The following EML4 variants were observed in gnomAD, a reference collection of about 807,000 sequenced individuals.
The protein encoded by EML4 is echinoderm microtubule-associated protein-like 4.
Under a neutral mutation model 129.0 loss-of-function variants are expected in EML4, and 72 were observed. That is an observed-to-expected ratio of 0.56 (90% CI 0.46 to 0.68). The LOEUF (loss-of-function observed/expected upper bound fraction) is 0.68. Ranked by LOEUF, EML4 falls within the 30% of genes least tolerant of loss-of-function variation. EML4 has a pLI of 0.00. For synonymous variants in EML4, 532 were observed against 405.0 expected (o/e 1.31, Z -3.77); for missense variants, 1,363 against 1,190.6 (o/e 1.14, Z -2.13).
intron 13 of EML4, among the ~76,000 whole-genome samples, chr2:42,296,446 C>T (rs1398865697): frequency 6.6e-6 from 1 of 151,326 alleles, no homozygotes; most frequent in Non-Finnish European, 1.5e-5. Flanking sequence ...TCATTCACCT[C>T]CCCTAAACAC....
intron 1 of EML4, among the ~76,000 whole-genome samples, chr2:42,188,759 C>T (rs928574996): frequency 6.6e-6 from 1 of 152,098 alleles, no homozygotes; most frequent in African/African-American, 2.4e-5. Context: ...CTACTGACCT[C>T]AGGTGATCTG....
intron 11 of EML4, among the ~76,000 whole-genome samples, chr2:42,292,559 A>C (rs1667706249): frequency 6.6e-6 from 1 of 152,236 alleles, no homozygotes; most frequent in Admixed American, 6.5e-5. Context: ...AATGAAACGG[A>C]GAAAAATAAT....
At chr2:42,216,279 G>A (rs1431948984) in intron 1 of EML4, among the ~76,000 whole-genome samples, 1 of 106,826 alleles carries the variant, frequency 9.4e-6, no homozygotes, top group Non-Finnish European at 1.7e-5. Context: ...GTCTTGCTCT[G>A]TCACCCAGGC....
intron 6 of EML4, among the ~76,000 whole-genome samples, chr2:42,269,855 C>T (rs1355455517): frequency 6.6e-6 from 1 of 152,084 alleles, no homozygotes; most frequent in Non-Finnish European, 1.5e-5. Context: ...AGAGAAGTTT[C>T]ATGAGGTACC....
At chr2:42,233,461 A>G (rs1021446652) in intron 1 of EML4, among the ~76,000 whole-genome samples, 3 of 151,536 alleles carry the variant, frequency 2.0e-5, no homozygotes, top group Non-Finnish European at 4.4e-5. Context: ...ACCCGCCACC[A>G]TGCCCAGCCA....
intron 6 of EML4, among the ~76,000 whole-genome samples, chr2:42,280,046 GT>G (rs991014813): frequency 6.6e-6 from 1 of 151,832 alleles, no homozygotes; most frequent in African/African-American, 2.4e-5. Context: ...ATTTTCTCCC[GT>G]TCTGTAGGTG....
intron 1 of EML4, among the ~76,000 whole-genome samples, chr2:42,207,448 T>C (rs185752425): frequency 7.2e-5 from 11 of 152,322 alleles, no homozygotes; most frequent in African/African-American, 2.6e-4. Context: ...ATTGGTATCT[T>C]TTTAAAAATA....
Position 42,284,865 on chromosome 2 carries a change from T to G in EML4, c.1011+162T>G, listed in dbSNP as rs575511675. On this transcript the variant is annotated intron_variant, in intron 9 of 22. Transcript: ENST00000318522. ...AAAAAACATTAGGATATAAGAACAC[T>G]TTAAAAGACAGAGTCATACTAATAA... is the stretch of plus-strand genomic sequence containing the variant. Among the ~76,000 whole-genome samples, 4 of 152,280 alleles carry G rather than the reference T, an allele frequency of 2.6e-5. 1 individual carries two copies. The highest frequency in any genetic ancestry group is 2.0e-4 in the Admixed American group (3 of 15,302).
At chr2:42,236,938 G>GT (rs1213180571) in intron 1 of EML4, among the ~76,000 whole-genome samples, 3 of 152,078 alleles carry the variant, frequency 2.0e-5, no homozygotes, top group Non-Finnish European at 4.4e-5. Flanking sequence ...TTTTATGTTT[G>GT]TTGACCATTT....
At chr2:42,236,312 C>T (rs994528601) in intron 1 of EML4, among the ~76,000 whole-genome samples, 21 of 151,994 alleles carry the variant, frequency 1.4e-4, no homozygotes, top group Non-Finnish European at 2.9e-5. Flanking sequence ...CACAATTTAC[C>T]CGTTTTACAA....
At chr2:42,328,633 T>C (rs191506619) in intron 21 of EML4, among the ~76,000 whole-genome samples, 9 of 152,306 alleles carry the variant, frequency 5.9e-5, no homozygotes, top group Admixed American at 1.3e-4. Flanking sequence ...CTGGTTACCA[T>C]TGAGTACCAT....
chr2:42,249,164 A>C (rs1020202956), intron 2 of EML4, among the ~76,000 whole-genome samples: 6 of 152,222 alleles, frequency 3.9e-5, no homozygotes, highest in Non-Finnish European at 7.4e-5. Flanking sequence ...TAAACATTTT[A>C]AGCAAAGTAT....
At position 42,284,615 on chromosome 2, in the gene EML4, TC is replaced by T. The variant is rs777387305; in HGVS notation, c.942-18del. On this transcript the variant is annotated intron_variant, in intron 8 of 22. Coordinates refer to ENST00000318522, the MANE Select transcript of EML4 (RefSeq NM_019063.5). ...TCATGTTTCCTGTGTTTAAAATCAT[TC>T]TTAATACTGCTTTTTAGCCTTGCTA... The T allele has an allele frequency of 6.3e-7, 1 of 1,595,032 alleles. No individual in the cohort carries two copies. The highest frequency in any genetic ancestry group is 2.2e-5 in the East Asian group (1 of 44,566).
chr2:42,306,563 G>T (rs181866811), intron 17 of EML4, among the ~76,000 whole-genome samples: 32 of 138,046 alleles, frequency 2.3e-4, no homozygotes, highest in African/African-American at 8.3e-4. Flanking sequence ...CATGATCTTG[G>T]CTCACAGCAA....
chr2:42,214,212 A>G (rs1348500938), intron 1 of EML4, among the ~76,000 whole-genome samples: 2 of 152,352 alleles, frequency 1.3e-5, no homozygotes, highest in African/African-American at 4.8e-5. Flanking sequence ...TGGATTCGGT[A>G]TGAACTTAAA....
chr2:42,316,311 A>G (rs1293259979), intron 18 of EML4, among the ~76,000 whole-genome samples: 1 of 152,234 alleles, frequency 6.6e-6, no homozygotes, highest in African/African-American at 2.4e-5. Flanking sequence ...GTGCAGTCAG[A>G]TCCCCTTTTT....
intron 1 of EML4, among the ~76,000 whole-genome samples, chr2:42,240,835 A>G (rs879802086): frequency 6.6e-6 from 1 of 152,178 alleles, no homozygotes; most frequent in African/African-American, 2.4e-5. Flanking sequence ...AAGCAGTCAC[A>G]GAGTTGGTAA....
intron 11 of EML4, among the ~76,000 whole-genome samples, chr2:42,293,011 C>A (rs558428066): frequency 1.3e-5 from 2 of 152,100 alleles, no homozygotes; most frequent in African/African-American, 4.8e-5. Flanking sequence ...AATCTTTAAA[C>A]TTTACTTAGA....
At chr2:42,193,501 G>A (rs1671719590) in intron 1 of EML4, among the ~76,000 whole-genome samples, 2 of 152,162 alleles carry the variant, frequency 1.3e-5, no homozygotes, top group South Asian at 4.1e-4. Context: ...AGTTGCTGTT[G>A]CAATTTTATT....
Sources: gnomAD v4.1 joint callset for allele counts (sites outside exome capture counted in the v4.1 genomes callset) on GRCh38, gnomAD v4.1.1 for gene constraint, MANE v1.5 for transcripts, NCBI Gene and HGNC (gene_info 2026-07-23, HGNC 2026-07-21) for gene names.